NEBL: variants seen among roughly 807,000 people sequenced by gnomAD.
NEBL encodes LIM and SH3 protein 2.
NEBL carries 122 observed loss-of-function variants against 140.2 expected under a neutral mutation model. That is an observed-to-expected ratio of 0.87 (90% CI 0.75 to 1.01). The LOEUF is 1.01. Among genes scored for constraint, NEBL ranks in the 50% least tolerant of loss-of-function variants. NEBL has a pLI of 0.00. For synonymous variants in NEBL, 436 were observed against 398.9 expected, an observed-to-expected ratio of 1.09 and a Z score of -1.11; for missense variants, 1,365 against 1,231.3, an observed-to-expected ratio of 1.11 and a Z score of -1.62.
intron 4 of NEBL, among the ~76,000 whole-genome samples, chr10:20,939,895 T>A (rs1368720168): frequency 6.6e-6 from 1 of 152,108 alleles, no homozygotes; most frequent in Non-Finnish European, 1.5e-5. Flanking sequence ...CTATCCTACA[T>A]ATATATGCAC....
rs1260862410 is a variant in NEBL at position 21,277,208 on chromosome 10, C to CTT, written n.182+15620_182+15621dup. ...GAGCCAATGCACCAAATATTTCTTT[C>CTT]TTTTTTTTTTTTTTTTTTGAGACGG... On this transcript the variant is annotated intron_variant and non_coding_transcript_variant, in intron 1 of 8. Transcript: ENST00000675702. 9.5e-3 allele frequency among the ~76,000 whole-genome samples: 1,272 copies of CTT among 133,516 alleles called. 34 individuals carry two copies. Among genetic ancestry groups the CTT allele is most frequent in the African/African-American group, 0.033 (1,140 of 34,866 alleles). The allele number at this position is 133,516 out of a possible 152,430, so 87.6% of individuals were successfully genotyped here.
intron 19 of NEBL, among the ~76,000 whole-genome samples, chr10:20,820,248 T>C (rs1839165715): frequency 6.6e-6 from 1 of 152,190 alleles, no homozygotes; most frequent in African/African-American, 2.4e-5. Flanking sequence ...GAAATTTTCC[T>C]GACTTAATGC....
At chr10:20,963,143 T>G (rs1836136794) in intron 3 of NEBL, among the ~76,000 whole-genome samples, 1 of 152,046 alleles carries the variant, frequency 6.6e-6, no homozygotes, top group South Asian at 2.1e-4. Flanking sequence ...CTTACTTTAT[T>G]CCCATAAGTA....
intron 2 of NEBL, among the ~76,000 whole-genome samples, chr10:21,109,967 T>C (rs1837912457): frequency 1.3e-5 from 2 of 152,298 alleles, no homozygotes; most frequent in South Asian, 2.1e-4. Flanking sequence ...CCTGGATTCA[T>C]TGAATTTTTG....
At chr10:21,256,311 G>A (rs1311543405) in intron 1 of NEBL, among the ~76,000 whole-genome samples, 1 of 151,928 alleles carries the variant, frequency 6.6e-6, no homozygotes, top group African/African-American at 2.4e-5. Context: ...CAAGTAGTCC[G>A]CCCACCTTGG....
chr10:21,179,767 C>G (rs1241532593), upstream of NEBL, among the ~76,000 whole-genome samples: 1 of 150,490 alleles, frequency 6.6e-6, no homozygotes, highest in Non-Finnish European at 1.5e-5. Context: ...TTTGAAGATG[C>G]TACACTGCTG....
chr10:21,228,424 G>C (rs1035836408), intron 3 of NEBL, among the ~76,000 whole-genome samples: 1 of 152,112 alleles, frequency 6.6e-6, no homozygotes, highest in Non-Finnish European at 1.5e-5. Flanking sequence ...AAAGTGCTAC[G>C]ATTACAGGCA....
chr10:21,049,408 A>G (rs1177814667), intron 2 of NEBL, among the ~76,000 whole-genome samples: 1 of 152,154 alleles, frequency 6.6e-6, no homozygotes, highest in Non-Finnish European at 1.5e-5. Flanking sequence ...GTGAGAACTT[A>G]GCAAAATTAT....
intron 3 of NEBL, among the ~76,000 whole-genome samples, chr10:21,184,652 C>G (rs922223095): frequency 6.6e-6 from 1 of 152,104 alleles, no homozygotes; most frequent in African/African-American, 2.4e-5. Flanking sequence ...GGTATCAAAG[C>G]TCAAATAAAA....
chr10:21,234,882 T>C (rs1387768059), intron 3 of NEBL, among the ~76,000 whole-genome samples: 1 of 152,142 alleles, frequency 6.6e-6, no homozygotes, highest in Non-Finnish European at 1.5e-5. Context: ...GCTGGTTTCC[T>C]CCGGTACAGG....
At chr10:20,861,238 CA>C (rs1843668059) in intron 7 of NEBL, among the ~76,000 whole-genome samples, 1 of 152,128 alleles carries the variant, frequency 6.6e-6, no homozygotes, top group African/African-American at 2.4e-5. Flanking sequence ...AGTGCAGTGG[CA>C]CGATCTCAGC....
chr10:21,201,939 A>G (rs1245368777), intron 3 of NEBL, among the ~76,000 whole-genome samples: 1 of 152,230 alleles, frequency 6.6e-6, no homozygotes, highest in Non-Finnish European at 1.5e-5. Flanking sequence ...TTGAAAGAAT[A>G]TTCTATGGAG....
intron 2 of NEBL, among the ~76,000 whole-genome samples, chr10:21,068,750 G>A (rs1835678866): frequency 6.6e-6 from 1 of 152,228 alleles, no homozygotes; most frequent in Non-Finnish European, 1.5e-5. Context: ...GAAGGAAATA[G>A]GGAGAAGGAA....
chr10:20,938,323 A>G (rs1039663311), intron 4 of NEBL, among the ~76,000 whole-genome samples: 4 of 152,198 alleles, frequency 2.6e-5, no homozygotes, highest in African/African-American at 9.6e-5. Context: ...ATACCCAGGG[A>G]AACACGGTCT....
intron 10 of NEBL, among the ~76,000 whole-genome samples, chr10:20,850,817 C>G (rs1564382503): frequency 6.6e-6 from 1 of 152,118 alleles, no homozygotes; most frequent in South Asian, 2.1e-4. Flanking sequence ...CATGTATATG[C>G]AAATGGCATA....
At chr10:21,025,550 G>A (rs938060974) in intron 2 of NEBL, among the ~76,000 whole-genome samples, 15 of 152,170 alleles carry the variant, frequency 9.9e-5, no homozygotes, top group African/African-American at 2.9e-4. Context: ...ACTAGACCTC[G>A]TCAGAGCTCG....
intron 5 of NEBL, among the ~76,000 whole-genome samples, chr10:20,874,047 T>C (rs1272058611): frequency 6.6e-6 from 1 of 152,148 alleles, no homozygotes; most frequent in African/African-American, 2.4e-5. Flanking sequence ...CAGTATAGAG[T>C]CTTATCTGAA....
intron 2 of NEBL, among the ~76,000 whole-genome samples, chr10:21,168,521 T>G (rs1433029697): frequency 7.2e-5 from 11 of 152,330 alleles, no homozygotes; most frequent in African/African-American, 2.4e-4. Context: ...GAGCGCTGAT[T>G]GGATCCTGGC....
At chr10:21,151,397 C>T (rs1840131015) in intron 2 of NEBL, among the ~76,000 whole-genome samples, 1 of 152,208 alleles carries the variant, frequency 6.6e-6, no homozygotes, top group South Asian at 2.1e-4. Flanking sequence ...CTCTTGTTTA[C>T]ACCCAATGGG....
Sources: gnomAD v4.1 joint callset for allele counts (sites outside exome capture counted in the v4.1 genomes callset) on GRCh38, gnomAD v4.1.1 for gene constraint, MANE v1.5 for transcripts, NCBI Gene and HGNC (gene_info 2026-07-23, HGNC 2026-07-21) for gene names.